The following KPNA5 variants were observed in gnomAD, a reference collection of about 807,000 sequenced individuals.
The protein encoded by KPNA5 is karyopherin subunit alpha 5.
In KPNA5, 46 loss-of-function variants were observed where a neutral mutation model predicts 71.3. The ratio of observed to expected loss-of-function variants is 0.65; its 90% confidence interval spans 0.51 to 0.83. KPNA5 has a LOEUF of 0.83. Among genes scored for constraint, KPNA5 ranks in the 40% least tolerant of loss-of-function variants. The pLI is 0.00. For missense variants in KPNA5, 547 were observed against 628.3 expected (o/e 0.87, Z 1.38); for synonymous variants, 207 against 201.4 (o/e 1.03, Z -0.24).
chr6:116,708,881 G>C (rs1401360948), intron 7 of KPNA5, among the ~76,000 whole-genome samples: 1 of 152,116 alleles, frequency 6.6e-6, no homozygotes, highest in Non-Finnish European at 1.5e-5. Context: ...TGCCTCCCAG[G>C]TTCAAGCGAT....
At position 116,735,049 on chromosome 6, in the gene KPNA5, C is replaced by T. The variant is rs1005113657; in HGVS notation, c.*2726C>T. 1 of 151,696 alleles carries T rather than the reference C, an allele frequency of 6.6e-6. No individual in the cohort carries two copies. Among genetic ancestry groups the T allele is most frequent in the Non-Finnish European group, 1.5e-5 (1 of 67,734 alleles). 9.4% of individuals were successfully genotyped at this position (151,696 alleles called of 1,614,324 possible). ...GTTTTATATTTATAAGCACTTGACTCACTGGGTGTGGTCTTTTTACTGTGT... is the reference window on the plus strand; with the variant it reads ...GTTTTATATTTATAAGCACTTGACTTACTGGGTGTGGTCTTTTTACTGTGT... On this transcript the variant is annotated 3_prime_UTR_variant, in exon 14 of 14. Coordinates refer to ENST00000368564, the MANE Select transcript of KPNA5 (RefSeq NM_001366306.2).
rs1779862673 is a variant in KPNA5, at chr6:116,741,228, C to T, written c.*8905C>T. On this transcript the variant is annotated 3_prime_UTR_variant, in exon 14 of 14. Transcript: ENST00000368564. ...TCATCAGTTTCTAACTCGCCAGTTT[C>T]TAAGAGAGGTGTGTTAAAATCTCCC... 2 of 152,074 alleles carry T rather than the reference C, an allele frequency of 1.3e-5. No individual in the cohort carries two copies. Among genetic ancestry groups the T allele is most frequent in the African/African-American group, 4.8e-5 (2 of 41,412 alleles). The allele number at this position is 152,074 out of a possible 1,614,324, so 9.4% of individuals were successfully genotyped here.
intron 7 of KPNA5, among the ~76,000 whole-genome samples, chr6:116,715,953 T>C (rs1778869236): frequency 6.6e-6 from 1 of 151,932 alleles, no homozygotes. Context: ...CTAGTATTCT[T>C]TTTAATATAT....
rs761678328 is a variant in KPNA5 at position 116,732,141 on chromosome 6, G to A, written c.1438G>A (p.Asp480Asn). 3 of 1,265,282 alleles carry A rather than the reference G, an allele frequency of 2.4e-6. No homozygotes were observed. Among genetic ancestry groups the A allele is most frequent in the Non-Finnish European group, 3.2e-6 (3 of 938,570 alleles). 78.4% of individuals were successfully genotyped at this position (1,265,282 alleles called of 1,614,324 possible). A position where few individuals can be genotyped will look rare whatever the true frequency, so the allele number is the denominator to read the frequency against. ...CALIEEAYGL[D>N]KIEFLQSHEN... is the part of the protein sequence containing the mutation. ...ATATATACTTTGTATAACAGGTCTG[G>A]ATAAAATTGAGTTTTTGCAAAGCCA... The change falls in exon 14 of 14, where the codon GAT becomes AAT. Residue 480 changes from aspartate (D) to asparagine (N), a missense_variant. Physicochemically the swap from Asp to Asn is conservative, Grantham distance 23. Transcript: ENST00000368564.
chr6:116,738,584 T>C lies in KPNA5; in HGVS notation c.*6261T>C, dbSNP rs796377663. The C allele has an allele frequency of 2.0e-5, 3 of 152,024 alleles. No homozygotes were observed. Among genetic ancestry groups the C allele is most frequent in the Non-Finnish European group, 2.9e-5 (2 of 67,992 alleles). The allele number at this position is 152,024 out of a possible 1,614,324, so 9.4% of individuals were successfully genotyped here. A position where few individuals can be genotyped will look rare whatever the true frequency, so the allele number is the denominator to read the frequency against. Reference sequence around the variant, plus strand: ...TTAGACCAATATCCTTGGTGAACATTGATGCAAAAATCCTCAATAAAATAC... The same window carrying C: ...TTAGACCAATATCCTTGGTGAACATCGATGCAAAAATCCTCAATAAAATAC... On this transcript the variant is annotated 3_prime_UTR_variant, in exon 14 of 14. Coordinates refer to ENST00000368564, the MANE Select transcript of KPNA5 (RefSeq NM_001366306.2).
chr6:116,718,855 C>T (rs1403162841), intron 8 of KPNA5, among the ~76,000 whole-genome samples: 2 of 151,534 alleles, frequency 1.3e-5, no homozygotes, highest in Non-Finnish European at 2.9e-5. Context: ...GCAACCTCTG[C>T]CTCCCGGGTT....
At position 116,722,244 on chromosome 6, in the gene KPNA5, C is replaced by T. The variant is rs780521296; in HGVS notation, c.875C>T (p.Ala292Val). ...GATGGACCCAATGATAAAATTCAAG[C>T]AGTCATTGATTCTGGAGTCTGTCGA... ...LSDGPNDKIQ[A>V]VIDSGVCRRL... Residue 292 changes from alanine to valine, a missense_variant, in exon 9 of 14, where the codon GCA (alanine) becomes GTA (valine). Ala to Val is a moderately conservative substitution (Grantham distance 64). Coordinates refer to ENST00000368564, the MANE Select transcript of KPNA5 (RefSeq NM_001366306.2). The T allele has an allele frequency of 6.2e-7, 1 of 1,612,966 alleles. No individual in the cohort carries two copies. Among genetic ancestry groups the T allele is most frequent in the Admixed American group, 1.7e-5 (1 of 59,964 alleles).
Position 116,733,303 on chromosome 6 carries a change from G to A in KPNA5, c.*980G>A, listed in dbSNP as rs1416741168. The stretch of plus-strand genomic sequence containing the variant: ...AGTACAAGTACAAGTTTAGGTACTC[G>A]AATGACAAAATTACCCTGAAGAAAT... On this transcript the variant is annotated 3_prime_UTR_variant, in exon 14 of 14. Coordinates refer to ENST00000368564, the MANE Select transcript of KPNA5 (RefSeq NM_001366306.2). 6.6e-6 allele frequency: 1 copy of A among 151,542 alleles called. No individual in the cohort carries two copies. Among genetic ancestry groups the A allele is most frequent in the African/African-American group, 2.4e-5 (1 of 41,366 alleles). The allele number at this position is 151,542 out of a possible 1,614,324, so 9.4% of individuals were successfully genotyped here.
chr6:116,739,781 A>G lies in KPNA5; in HGVS notation c.*7458A>G, dbSNP rs1779802605. 3 of 151,628 alleles carry G rather than the reference A, an allele frequency of 2.0e-5. No homozygotes were observed. In the South Asian group the frequency reaches 6.3e-4, roughly 32 times the overall value. 9.4% of individuals were successfully genotyped at this position (151,628 alleles called of 1,614,324 possible). A position where few individuals can be genotyped will look rare whatever the true frequency, so the allele number is the denominator to read the frequency against. On this transcript the variant is annotated 3_prime_UTR_variant, in exon 14 of 14. Coordinates refer to ENST00000368564, the MANE Select transcript of KPNA5 (RefSeq NM_001366306.2). ...CTATTTAATAAATGGTGCTGGGAAA[A>G]CTGGCTAGCCATATGTAGAAAGCTG...
chr6:116,709,839 A>G (rs1024524852), intron 7 of KPNA5, among the ~76,000 whole-genome samples: 2 of 150,938 alleles, frequency 1.3e-5, no homozygotes, highest in Non-Finnish European at 2.9e-5. Context: ...ATCTTGGCTC[A>G]CTGCAGCCTC....
rs1326545333 is a variant in KPNA5, at chr6:116,722,197, T to C, written c.828T>C (p.Cys276=). 3.6e-5 allele frequency: 58 copies of C among 1,613,386 alleles called. No homozygotes were observed. Among genetic ancestry groups the C allele is most frequent in the Non-Finnish European group, 4.8e-5 (57 of 1,179,558 alleles). The change falls in exon 9 of 14, where the codon TGT becomes TGC. Residue 276 remains cysteine (C), a synonymous_variant. Transcript: ENST00000368564. ...ACCCAGATGTGTTAGCAGACGTGTG[T>C]TGGGCCCTTTCTTATCTCTCCGATG... The part of the protein sequence containing the change: ...SSDPDVLADV[C]WALSYLSDGP...
intron 4 of KPNA5, 38 bp downstream of exon 4, chr6:116,692,430 C>A: frequency 7.8e-7 from 1 of 1,278,440 alleles, no homozygotes; most frequent in Non-Finnish European, 1.1e-6. Flanking sequence ...TGATATTACA[C>A]GATTTTTTAG....
intron 6 of KPNA5, among the ~76,000 whole-genome samples, chr6:116,703,419 C>T (rs549174544): frequency 3.0e-4 from 46 of 152,166 alleles, no homozygotes; most frequent in Middle Eastern, 3.4e-3. Context: ...CCTGCCACCA[C>T]GCCCGGCTAG....
chr6:116,724,623 C>T (rs1779230212), intron 10 of KPNA5, among the ~76,000 whole-genome samples: 1 of 152,028 alleles, frequency 6.6e-6, no homozygotes, highest in Non-Finnish European at 1.5e-5. Context: ...CAGGATATTG[C>T]TCTTTCTCCT....
At chr6:116,697,434 A>C (rs1562434271) in intron 4 of KPNA5, among the ~76,000 whole-genome samples, 1 of 152,086 alleles carries the variant, frequency 6.6e-6, no homozygotes, top group Non-Finnish European at 1.5e-5. Flanking sequence ...AATGAAAAGG[A>C]AGAAGGAAGT....
Position 116,732,334 on chromosome 6 carries a change from GA to G in KPNA5, c.*19del, listed in dbSNP as rs1294522671. On this transcript the variant is annotated 3_prime_UTR_variant, in exon 14 of 14. Transcript: ENST00000368564. ...GGATTTCAACTTTAACTTACTGGAG[GA>G]AAAAAAATTTATGGCTAAAAAGGGT... 2.9e-5 allele frequency: 42 copies of G among 1,455,954 alleles called. No individual in the cohort carries two copies. Among genetic ancestry groups the G allele is most frequent in the South Asian group, 1.2e-4 (8 of 65,562 alleles). 90.2% of individuals were successfully genotyped at this position (1,455,954 alleles called of 1,614,324 possible).
In KPNA5 at chr6:116,692,458, G is replaced by GTT. The variant is rs148504222; in HGVS notation, c.340+74_340+75dup. The stretch of plus-strand genomic sequence containing the variant: ...TTTTTTAGTAGAGGTTTATTTTATT[G>GTT]TTTTTTTTTAAATTTTAAAATACCT... On this transcript the variant is annotated intron_variant, in intron 4 of 13. Coordinates refer to ENST00000368564, the MANE Select transcript of KPNA5 (RefSeq NM_001366306.2). 4.0e-6 allele frequency: 4 copies of GTT among 1,000,378 alleles called. No homozygotes were observed. In the African/African-American group the frequency reaches 5.1e-5, roughly 13 times the overall value. 62.0% of individuals were successfully genotyped at this position (1,000,378 alleles called of 1,614,324 possible). A position where few individuals can be genotyped will look rare whatever the true frequency, so the allele number is the denominator to read the frequency against.
intron 1 of KPNA5, among the ~76,000 whole-genome samples, chr6:116,683,087 C>T (rs992399361): frequency 6.6e-6 from 1 of 152,142 alleles, no homozygotes; most frequent in Non-Finnish European, 1.5e-5. Context: ...TAAGTAGCGC[C>T]TTTGTATGTG....
intron 11 of KPNA5, 103 bp from the exon 12 acceptor site, chr6:116,726,392 C>T: frequency 3.3e-6 from 3 of 906,244 alleles, no homozygotes; most frequent in South Asian, 4.2e-5. Context: ...GTCAAGGTTC[C>T]AAAAACCTTG....
Sources: gnomAD v4.1 joint callset for allele counts (sites outside exome capture counted in the v4.1 genomes callset) on GRCh38, gnomAD v4.1.1 for gene constraint, MANE v1.5 for transcripts, NCBI Gene and HGNC (gene_info 2026-07-23, HGNC 2026-07-21) for gene names.